Variants in RUNDC3B observed in about 807,000 individuals in gnomAD.
RUNDC3B encodes RUN domain-containing protein 3B.
Under a neutral mutation model 58.4 loss-of-function variants are expected in RUNDC3B, and 33 were observed. The ratio of observed to expected loss-of-function variants is 0.56; its 90% confidence interval spans 0.43 to 0.75. The LOEUF (loss-of-function observed/expected upper bound fraction) is 0.75. Among genes scored for constraint, RUNDC3B ranks in the 30% least tolerant of loss-of-function variants. The pLI is 0.00. For missense variants in RUNDC3B, 501 were observed against 535.7 expected (o/e 0.94, Z 0.64); for synonymous variants, 193 against 195.2 (o/e 0.99, Z 0.10).
At chr7:87,751,666 A>G (rs1448130359) in intron 6 of RUNDC3B, among the ~76,000 whole-genome samples, 1 of 151,770 alleles carries the variant, frequency 6.6e-6, no homozygotes, top group Non-Finnish European at 1.5e-5. Context: ...TTCACTCATG[A>G]TTTGGCTCTC....
At chr7:87,818,702 G>C (rs1437443841) in intron 10 of RUNDC3B, among the ~76,000 whole-genome samples, 1 of 152,126 alleles carries the variant, frequency 6.6e-6, no homozygotes, top group African/African-American at 2.4e-5. Flanking sequence ...AACAAGCTGT[G>C]AGCACAGGGG....
At chr7:87,762,144 A>C (rs1248749185) in intron 6 of RUNDC3B, among the ~76,000 whole-genome samples, 1 of 151,484 alleles carries the variant, frequency 6.6e-6, no homozygotes, top group Non-Finnish European at 1.5e-5. Context: ...TACTTTTTAT[A>C]ATTGGTTTCT....
intron 1 of RUNDC3B, among the ~76,000 whole-genome samples, chr7:87,639,470 A>G (rs1039066363): frequency 2.6e-5 from 4 of 152,046 alleles, no homozygotes; most frequent in Non-Finnish European, 5.9e-5. Context: ...TATACTCTTT[A>G]GTATTGAGAG....
intron 2 of RUNDC3B, among the ~76,000 whole-genome samples, chr7:87,661,795 A>G (rs927102502): frequency 2.0e-5 from 3 of 151,916 alleles, no homozygotes; most frequent in Admixed American, 6.6e-5. Flanking sequence ...ATCATATGGT[A>G]GTTTAATTTT....
chr7:87,820,312 C>G lies in RUNDC3B; in HGVS notation c.1225+4050C>G, dbSNP rs557363205. On this transcript the variant is annotated intron_variant, in intron 10 of 10. Coordinates refer to ENST00000394654, the MANE Select transcript of RUNDC3B (RefSeq NM_001134405.2). ...GAAGAAATGGATAAATTCCTCGACA[C>G]ATACACCATCCCATGACTAAACCAG... Among the ~76,000 whole-genome samples, 5 of 152,308 alleles carry G rather than the reference C, an allele frequency of 3.3e-5. No individual in the cohort carries two copies. The South Asian group carries it at 1.0e-3, about 32-fold the overall frequency.
chr7:87,800,184 C>T (rs1054717118), intron 8 of RUNDC3B, among the ~76,000 whole-genome samples: 1 of 152,112 alleles, frequency 6.6e-6, no homozygotes, highest in African/African-American at 2.4e-5. Context: ...GAAAGTATAA[C>T]CACATCATGA....
intron 8 of RUNDC3B, among the ~76,000 whole-genome samples, chr7:87,792,847 A>G (rs1835598459): frequency 6.6e-6 from 1 of 152,046 alleles, no homozygotes; most frequent in Non-Finnish European, 1.5e-5. Flanking sequence ...AAGAAATAAT[A>G]AAGTGCAGAA....
At chr7:87,769,658 T>C (rs1413413555) in intron 6 of RUNDC3B, among the ~76,000 whole-genome samples, 1 of 152,142 alleles carries the variant, frequency 6.6e-6, no homozygotes, top group Non-Finnish European at 1.5e-5. Context: ...TATTATACTT[T>C]AAGTTCTGGG....
At chr7:87,644,450 T>C (rs1478306083) in intron 1 of RUNDC3B, among the ~76,000 whole-genome samples, 1 of 152,214 alleles carries the variant, frequency 6.6e-6, no homozygotes, top group African/African-American at 2.4e-5. Flanking sequence ...TGGTTTGAAA[T>C]AGTGGAGAGT....
chr7:87,776,019 A>G (rs998431683), intron 7 of RUNDC3B, among the ~76,000 whole-genome samples: 1 of 152,200 alleles, frequency 6.6e-6, no homozygotes, highest in Non-Finnish European at 1.5e-5. Context: ...ATAGTTTTCA[A>G]TGAATTTAAT....
chr7:87,714,194 G>A (rs897636260), intron 4 of RUNDC3B, among the ~76,000 whole-genome samples: 1 of 152,128 alleles, frequency 6.6e-6, no homozygotes, highest in Non-Finnish European at 1.5e-5. Context: ...CAATGCAACG[G>A]GGCTCTCTCT....
At chr7:87,669,987 C>G (rs1488309515) in intron 2 of RUNDC3B, among the ~76,000 whole-genome samples, 1 of 152,092 alleles carries the variant, frequency 6.6e-6, no homozygotes, top group African/African-American at 2.4e-5. Context: ...CAGGAGTTCT[C>G]TGTATTTTCT....
intron 2 of RUNDC3B, among the ~76,000 whole-genome samples, chr7:87,655,693 A>G (rs1258539913): frequency 6.6e-6 from 1 of 152,138 alleles, no homozygotes; most frequent in African/African-American, 2.4e-5. Context: ...AAAATTCCTA[A>G]AAGAGTATAT....
intron 10 of RUNDC3B, among the ~76,000 whole-genome samples, chr7:87,826,976 A>G (rs565548114): frequency 1.1e-4 from 17 of 152,204 alleles, no homozygotes; most frequent in Admixed American, 5.9e-4. Flanking sequence ...TTTAAAGCAA[A>G]TATGTCATCT....
At chr7:87,726,444 G>T (rs1831236548) in intron 4 of RUNDC3B, among the ~76,000 whole-genome samples, 1 of 152,042 alleles carries the variant, frequency 6.6e-6, no homozygotes, top group Admixed American at 6.6e-5. Context: ...CTGTTCCATT[G>T]GTCTATATAT....
At chr7:87,671,796 C>T (rs1825848350) in intron 2 of RUNDC3B, among the ~76,000 whole-genome samples, 1 of 152,170 alleles carries the variant, frequency 6.6e-6, no homozygotes, top group African/African-American at 2.4e-5. Context: ...TTGCCTCAGA[C>T]ACTCTGAAAC....
chr7:87,778,103 C>A, intron 8 of RUNDC3B, 148 bp downstream of exon 8: 1 of 650,836 alleles, frequency 1.5e-6, no homozygotes. Flanking sequence ...TACTTATGTT[C>A]TTGTTATTAC....
At chr7:87,814,526 C>A (rs989003295) in intron 9 of RUNDC3B, among the ~76,000 whole-genome samples, 5 of 152,132 alleles carry the variant, frequency 3.3e-5, no homozygotes, top group Admixed American at 6.5e-5. Flanking sequence ...CTCTTTGTGA[C>A]CCAGTTTATT....
intron 6 of RUNDC3B, among the ~76,000 whole-genome samples, chr7:87,768,083 G>T (rs1485895824): frequency 6.6e-6 from 1 of 152,104 alleles, no homozygotes; most frequent in Non-Finnish European, 1.5e-5. Flanking sequence ...TTAAGCCCAG[G>T]TGATAGGCAC....
Sources: gnomAD v4.1 joint callset for allele counts (sites outside exome capture counted in the v4.1 genomes callset) on GRCh38, gnomAD v4.1.1 for gene constraint, MANE v1.5 for transcripts, NCBI Gene and HGNC (gene_info 2026-07-23, HGNC 2026-07-21) for gene names.